SCD5: variants seen among roughly 807,000 people sequenced by gnomAD.
SCD5 encodes the protein stearoyl-CoA desaturase 5.
SCD5 carries 20 observed loss-of-function variants against 30.4 expected under a neutral mutation model. The ratio of observed to expected loss-of-function variants is 0.66; its 90% CI spans 0.46 to 0.96. The LOEUF is 0.96. SCD5 is among the 40% of genes least tolerant of loss of function. The pLI is 0.00. For missense variants in SCD5, 381 were observed against 443.3 expected, an observed-to-expected ratio of 0.86 and a Z score of 1.26; for synonymous variants, 173 against 176.4, an observed-to-expected ratio of 0.98 and a Z score of 0.16.
intron 1 of SCD5, among the ~76,000 whole-genome samples, chr4:82,748,658 G>C (rs954313120): frequency 6.6e-6 from 1 of 152,182 alleles, no homozygotes; most frequent in Non-Finnish European, 1.5e-5. Flanking sequence ...ACTATGGACG[G>C]TCCTAACCTA....
chr4:82,770,973 T>G (rs1721608722), intron 1 of SCD5, among the ~76,000 whole-genome samples: 1 of 152,146 alleles, frequency 6.6e-6, no homozygotes, highest in African/African-American at 2.4e-5. Context: ...GTTTGTTGTT[T>G]TTTGTTTTTT....
intron 2 of SCD5, among the ~76,000 whole-genome samples, chr4:82,686,827 G>T (rs1728717852): frequency 6.6e-6 from 1 of 151,992 alleles, no homozygotes; most frequent in Non-Finnish European, 1.5e-5. Flanking sequence ...ACAAAAAAAA[G>T]GCTATTGTAG....
chr4:82,637,145 T>C (rs2148811855), intron 3 of SCD5, among the ~76,000 whole-genome samples: 1 of 152,306 alleles, frequency 6.6e-6, no homozygotes, highest in South Asian at 2.1e-4. Context: ...GCTACATTTA[T>C]CCCACAGGCC....
chr4:82,693,321 G>A (rs146982930), intron 2 of SCD5, among the ~76,000 whole-genome samples: 2 of 152,110 alleles, frequency 1.3e-5, no homozygotes, highest in East Asian at 1.9e-4. Context: ...ATCTCTCATT[G>A]CCTGTCCCTA....
chr4:82,763,214 T>A (rs1441730812), intron 1 of SCD5, among the ~76,000 whole-genome samples: 1 of 152,148 alleles, frequency 6.6e-6, no homozygotes, highest in Admixed American at 6.5e-5. Flanking sequence ...TAGGGCCTTT[T>A]AAGAAGTGAT....
At chr4:82,762,053 G>T (rs1419605113) in intron 1 of SCD5, among the ~76,000 whole-genome samples, 1 of 151,494 alleles carries the variant, frequency 6.6e-6, no homozygotes, top group Admixed American at 6.6e-5. Context: ...AGGTGCCTGT[G>T]GTCCCAGCTA....
chr4:82,788,842 G>C (rs764860997), intron 1 of SCD5, among the ~76,000 whole-genome samples: 1 of 152,142 alleles, frequency 6.6e-6, no homozygotes, highest in Non-Finnish European at 1.5e-5. Context: ...GAACTCTGGC[G>C]GCCACCTTGT....
intron 1 of SCD5, among the ~76,000 whole-genome samples, chr4:82,736,842 AT>A (rs1278828696): frequency 6.6e-6 from 1 of 151,708 alleles, no homozygotes; most frequent in Non-Finnish European, 1.5e-5. Context: ...TTTTAAAAAA[AT>A]TTTGTAGACA....
chr4:82,665,428 A>C (rs190430686), intron 3 of SCD5, among the ~76,000 whole-genome samples: 2 of 152,096 alleles, frequency 1.3e-5, no homozygotes, highest in African/African-American at 4.8e-5. Flanking sequence ...TGAAAACTGA[A>C]GATAAAATAT....
chr4:82,633,283 G>A (rs1560519454), intron 4 of SCD5, among the ~76,000 whole-genome samples: 1 of 152,178 alleles, frequency 6.6e-6, no homozygotes, highest in East Asian at 1.9e-4. Flanking sequence ...TGTCCTCCAG[G>A]TTCATTCAAG....
intron 1 of SCD5, among the ~76,000 whole-genome samples, chr4:82,766,836 C>A (rs1721498557): frequency 6.6e-6 from 1 of 152,116 alleles, no homozygotes; most frequent in African/African-American, 2.4e-5. Flanking sequence ...CGCCAGCACA[C>A]CCAGCTAATT....
intron 1 of SCD5, among the ~76,000 whole-genome samples, chr4:82,757,076 G>A (rs2148844680): frequency 6.6e-6 from 1 of 152,134 alleles, no homozygotes; most frequent in East Asian, 1.9e-4. Flanking sequence ...ACCTTCCACA[G>A]AGGGAAAACC....
At chr4:82,642,969 C>G (rs958589351) in intron 3 of SCD5, among the ~76,000 whole-genome samples, 1 of 152,142 alleles carries the variant, frequency 6.6e-6, no homozygotes, top group African/African-American at 2.4e-5. Flanking sequence ...TAGACCCTAC[C>G]CAGGGCCCTG....
At chr4:82,647,822 C>T (rs765454085) in intron 3 of SCD5, among the ~76,000 whole-genome samples, 4 of 152,128 alleles carry the variant, frequency 2.6e-5, no homozygotes, top group Admixed American at 6.5e-5. Context: ...TTCAATTACC[C>T]GGACTTTTAA....
chr4:82,666,050 T>C (rs1709242498), intron 3 of SCD5, among the ~76,000 whole-genome samples: 1 of 152,160 alleles, frequency 6.6e-6, no homozygotes, highest in Non-Finnish European at 1.5e-5. Context: ...GTTTATATTA[T>C]ACAGATTTCA....
chr4:82,643,694 G>C (rs1016119629), intron 3 of SCD5, among the ~76,000 whole-genome samples: 2 of 152,184 alleles, frequency 1.3e-5, no homozygotes, highest in African/African-American at 4.8e-5. Flanking sequence ...ACTCTTATGA[G>C]AGGTTACAAT....
chr4:82,649,605 T>G (rs7691397), intron 3 of SCD5, among the ~76,000 whole-genome samples: 137,334 of 152,154 alleles, frequency 0.9, 62,061 homozygotes, highest in East Asian at 1. Flanking sequence ...GGAGACTACC[T>G]TTATCATGTC....
chr4:82,753,839 A>G (rs528560479), intron 1 of SCD5, among the ~76,000 whole-genome samples: 2 of 152,328 alleles, frequency 1.3e-5, no homozygotes, highest in South Asian at 2.1e-4. Flanking sequence ...AAAGGCAGAC[A>G]GGGCGTATTC....
At chr4:82,631,562 C>T (rs998178684) in intron 4 of SCD5, 45 bp from the exon 5 acceptor site, 1 of 1,587,678 alleles carries the variant, frequency 6.3e-7, no homozygotes, top group African/African-American at 1.3e-5. Context: ...CACCACCTCT[C>T]TGCATAGATG....
Sources: gnomAD v4.1 joint callset for allele counts (sites outside exome capture counted in the v4.1 genomes callset) on GRCh38, gnomAD v4.1.1 for gene constraint, MANE v1.5 for transcripts, NCBI Gene and HGNC (gene_info 2026-07-23, HGNC 2026-07-21) for gene names.